COL5A1: variants seen among roughly 807,000 people sequenced by gnomAD.
The protein encoded by COL5A1 is collagen type V alpha 1 chain, also known as collagen alpha-1(V) chain.
COL5A1 carries 16 observed loss-of-function variants against 263.7 expected under a neutral mutation model. The ratio of observed to expected loss-of-function variants is 0.06; its 90% CI spans 0.04 to 0.09. COL5A1 has a LOEUF of 0.09. Ranked by LOEUF, COL5A1 falls within the 10% of genes least tolerant of loss-of-function variation. The pLI, the probability that COL5A1 is intolerant of heterozygous loss-of-function variation, is 1.00. For synonymous variants in COL5A1, 1,012 were observed against 1,004.5 expected (o/e 1.01, Z -0.14); for missense variants, 2,036 against 2,540.5 (o/e 0.80, Z 4.27).
At chr9:134,785,732 C>T (rs1837431805) in intron 30 of COL5A1, among the ~76,000 whole-genome samples, 1 of 152,196 alleles carries the variant, frequency 6.6e-6, no homozygotes, top group South Asian at 2.1e-4. Context: ...CGCTTTGCTC[C>T]ACAGTGGCAA....
chr9:134,788,301 C>G (rs1489435825), intron 31 of COL5A1, among the ~76,000 whole-genome samples: 1 of 138,306 alleles, frequency 7.2e-6, no homozygotes, highest in Non-Finnish European at 1.5e-5. Flanking sequence ...GGTAAGTAGA[C>G]AGGTCGATGA....
At chr9:134,701,722 G>C (rs944066333) in intron 4 of COL5A1, among the ~76,000 whole-genome samples, 1 of 152,234 alleles carries the variant, frequency 6.6e-6, no homozygotes, top group African/African-American at 2.4e-5. Context: ...TGTCCTCTGG[G>C]TGAGCTTGAA....
Position 134,768,607 on chromosome 9 carries a change from A to T in COL5A1, c.2286+144A>T, listed in dbSNP as rs1435028692. ...GTTGATGAAGACCCGTTTGGTCTCC[A>T]GTTGGACTGCTCGGTCATTCTTGGG... On this transcript the variant is annotated intron_variant, in intron 25 of 65. Coordinates refer to ENST00000371817, the MANE Select transcript of COL5A1 (RefSeq NM_000093.5). 3 of 782,764 alleles carry T rather than the reference A, an allele frequency of 3.8e-6. No homozygotes were observed. In the East Asian group the frequency reaches 7.8e-5, roughly 20 times the overall value. The allele number at this position is 782,764 out of a possible 1,614,324, so 48.5% of individuals were successfully genotyped here. A position where few individuals can be genotyped will look rare whatever the true frequency, so the allele number is the denominator to read the frequency against.
At chr9:134,733,428 C>A (rs1834977681) in intron 9 of COL5A1, among the ~76,000 whole-genome samples, 1 of 152,194 alleles carries the variant, frequency 6.6e-6, no homozygotes, top group South Asian at 2.1e-4. Context: ...TGCCCTTGCT[C>A]CAGGCCCAAC....
chr9:134,789,461 A>G lies in COL5A1; in HGVS notation c.2700+253A>G, dbSNP rs148580556. Among the ~76,000 whole-genome samples, 1 of 152,282 alleles carries G rather than the reference A, an allele frequency of 6.6e-6. No homozygotes were observed. Among genetic ancestry groups the G allele is most frequent in the African/African-American group, 2.4e-5 (1 of 41,546 alleles). On this transcript the variant is annotated intron_variant, in intron 32 of 65. Coordinates refer to ENST00000371817, the MANE Select transcript of COL5A1 (RefSeq NM_000093.5). The surrounding 1 kb of genome is among the most constrained non-coding windows in gnomAD (Gnocchi z 4.8). ...GTGTGCTGAGAAAATGGAGCTTTCT[A>G]ATTAGCACCACAATCCAGAAGGCTC...
At chr9:134,747,954 GA>G (rs1564428866) in intron 11 of COL5A1, among the ~76,000 whole-genome samples, 1 of 79,894 alleles carries the variant, frequency 1.3e-5, no homozygotes, top group East Asian at 4.7e-4. Context: ...TACACATGCA[GA>G]CACATGCACA....
In COL5A1 at chr9:134,750,833, T is replaced by C. The variant is rs1192589461; in HGVS notation, c.1613T>C (p.Met538Thr). ...GGCGATGCGGGCTCCAAAGGCCCCA[T>C]GGTCTCAGCCCAGGAGTCCCAGGCG... is the stretch of plus-strand genomic sequence containing the variant. ...GGGDAGSKGP[M>T]VSAQESQAQA... Residue 538 changes from methionine (M) to threonine (T), a missense_variant, in exon 13 of 66, where the codon ATG becomes ACG. Physicochemically the swap from Met to Thr is moderately conservative, Grantham distance 81. Around this residue, in one of 3 missense-constraint regions of COL5A1, gnomAD observed 1,078 missense variants for 1,521.4 expected, o/e 0.71. Transcript: ENST00000371817. 3 of 1,613,248 alleles carry C rather than the reference T, an allele frequency of 1.9e-6. No homozygotes were observed. In the South Asian group the frequency reaches 3.3e-5, roughly 18 times the overall value.
intron 27 of COL5A1, among the ~76,000 whole-genome samples, chr9:134,777,176 A>G (rs139960246): frequency 1.2e-4 from 18 of 152,312 alleles, no homozygotes; most frequent in African/African-American, 4.3e-4. Flanking sequence ...AGCAGAGTCA[A>G]ATCCACCCCT....
intron 19 of COL5A1, among the ~76,000 whole-genome samples, chr9:134,762,638 C>T (rs1836499780): frequency 1.3e-5 from 2 of 152,140 alleles, no homozygotes; most frequent in South Asian, 2.1e-4. Flanking sequence ...CTGCAGGCAC[C>T]GCAGTCACTC....
intron 4 of COL5A1, among the ~76,000 whole-genome samples, chr9:134,718,374 A>C (rs1834344101): frequency 1.3e-5 from 2 of 152,238 alleles, no homozygotes; most frequent in African/African-American, 4.8e-5. Flanking sequence ...GGCAGAATCC[A>C]GGAATGTAAA....
chr9:134,708,319 G>A (rs575579746), intron 4 of COL5A1, among the ~76,000 whole-genome samples: 20 of 152,278 alleles, frequency 1.3e-4, no homozygotes, highest in African/African-American at 4.3e-4. Flanking sequence ...CTCTGCCAGG[G>A]CTTCTCGGAG....
Position 134,696,573 on chromosome 9 carries a change from G to T in COL5A1, c.278-3336G>T, listed in dbSNP as rs1833476589. 6.6e-6 allele frequency among the ~76,000 whole-genome samples: 1 copy of T among 152,186 alleles called. No homozygotes were observed. The highest frequency in any genetic ancestry group is 2.4e-5 in the African/African-American group (1 of 41,436). On this transcript the variant is annotated intron_variant, in intron 2 of 65. Transcript: ENST00000371817. This position sits in a 1 kb window ranked among gnomAD's most constrained non-coding sequence, Gnocchi z 4.3. The stretch of plus-strand genomic sequence containing the variant: ...CAGGGACCATATCTGTCCTTTGACT[G>T]TGTCACCCCAGCGCCTGGCACCAAT...
chr9:134,729,229 C>T (rs1834774712), intron 6 of COL5A1, among the ~76,000 whole-genome samples: 2 of 152,288 alleles, frequency 1.3e-5, no homozygotes, highest in South Asian at 2.1e-4. Flanking sequence ...CTCGGGTCCT[C>T]CCCGCTCTGG....
intron 2 of COL5A1, among the ~76,000 whole-genome samples, 200 bp from the exon 3 acceptor site, chr9:134,699,709 G>A (rs569995857): frequency 6.6e-6 from 1 of 152,336 alleles, no homozygotes; most frequent in East Asian, 1.9e-4. Flanking sequence ...GTCTTGAAGG[G>A]GGCAGGTTTG....
In COL5A1 at chr9:134,783,320, C is replaced by G. The variant is rs145522383; in HGVS notation, c.2484+600C>G. 2.0e-3 allele frequency among the ~76,000 whole-genome samples: 305 copies of G among 152,310 alleles called. 2 individuals are homozygous for G. The highest frequency in any genetic ancestry group is 0.017 in the Middle Eastern group (5 of 294). On this transcript the variant is annotated intron_variant, in intron 29 of 65. Transcript: ENST00000371817. ...TTTAAATGAATAATTTAGCTCGGCTCCAGAGAAAGCCGGTGGGTGCTGGGA... is the reference window on the plus strand; with the variant it reads ...TTTAAATGAATAATTTAGCTCGGCTGCAGAGAAAGCCGGTGGGTGCTGGGA...
intron 63 of COL5A1, among the ~76,000 whole-genome samples, chr9:134,827,113 C>T (rs891614957): frequency 8.5e-5 from 13 of 152,188 alleles, no homozygotes; most frequent in African/African-American, 2.9e-4. Context: ...GGGGCCGCAG[C>T]GGTTTGCTGT....
chr9:134,651,969 C>T (rs966632901), intron 1 of COL5A1, among the ~76,000 whole-genome samples: 27 of 152,162 alleles, frequency 1.8e-4, no homozygotes, highest in African/African-American at 2.4e-4. Flanking sequence ...CCCGTGTCCA[C>T]GTTCCTGTGG....
chr9:134,768,620 G>A (rs969760582), intron 25 of COL5A1, among the ~76,000 whole-genome samples, 157 bp downstream of exon 25: 3 of 152,214 alleles, frequency 2.0e-5, no homozygotes, highest in East Asian at 1.9e-4. Context: ...TGGACTGCTC[G>A]GTCATTCTTG....
intron 1 of COL5A1, among the ~76,000 whole-genome samples, chr9:134,663,411 G>C (rs897825255): frequency 6.6e-6 from 1 of 152,166 alleles, no homozygotes; most frequent in African/African-American, 2.4e-5. Context: ...CAGAGGCCTC[G>C]GGAGTCTGCT....
Sources: allele counts gnomAD v4.1 joint callset (sites outside exome capture counted in the v4.1 genomes callset), GRCh38; gene constraint gnomAD v4.1.1; regional missense constraint gnomAD v4.1.1; non-coding constraint Gnocchi (gnomAD v3.1); transcripts MANE v1.5; gene names NCBI Gene and HGNC (gene_info 2026-07-23, HGNC 2026-07-21).